SYNPR: variants seen among roughly 807,000 people sequenced by gnomAD.
The protein encoded by SYNPR is synaptoporin.
A neutral mutation model predicts 32.9 loss-of-function variants in SYNPR; 23 were observed. The observed-to-expected ratio is 0.70, with a 90% confidence interval of 0.50 to 0.99. The LOEUF is 0.99. Among genes scored for constraint, SYNPR ranks in the 50% least tolerant of loss-of-function variants. The pLI is 0.00. For missense variants in SYNPR, 318 were observed against 349.3 expected, an observed-to-expected ratio of 0.91 and a Z score of 0.71; for synonymous variants, 146 against 135.9, an observed-to-expected ratio of 1.07 and a Z score of -0.52.
At chr3:63,406,098 A>G (rs2088355927) in intron 2 of SYNPR, among the ~76,000 whole-genome samples, 3 of 152,020 alleles carry the variant, frequency 2.0e-5, no homozygotes, top group Non-Finnish European at 4.4e-5. Flanking sequence ...TTTGGGCACT[A>G]GCAGTCTGAC....
chr3:63,320,355 G>A (rs958910272), intron 2 of SYNPR, among the ~76,000 whole-genome samples: 1 of 152,026 alleles, frequency 6.6e-6, no homozygotes, highest in African/African-American at 2.4e-5. Context: ...AGGTAAAATA[G>A]AAAGAACAGA....
intron 2 of SYNPR, among the ~76,000 whole-genome samples, chr3:63,475,900 C>A (rs906863906): frequency 1.3e-5 from 2 of 152,010 alleles, no homozygotes; most frequent in African/African-American, 4.8e-5. Context: ...GCAAGACAAA[C>A]CTTCTCAGCT....
rs1426200211 is a variant in SYNPR, at chr3:63,500,163, T to C, written c.209+19207T>C. 2.6e-5 allele frequency among the ~76,000 whole-genome samples: 4 copies of C among 152,288 alleles called. No individual in the cohort carries two copies. The South Asian group carries it at 8.3e-4, about 32-fold the overall frequency. ...CCTGCATACCACCTGGACTATTTAC[T>C]TAATATTTTCGTTTGAGTAAAAACT... On this transcript the variant is annotated intron_variant, in intron 3 of 5. Coordinates refer to ENST00000478300, the MANE Select transcript of SYNPR (RefSeq NM_001130003.2).
chr3:63,336,091 C>T (rs1190082101), intron 2 of SYNPR, among the ~76,000 whole-genome samples: 1 of 151,980 alleles, frequency 6.6e-6, no homozygotes, highest in Non-Finnish European at 1.5e-5. Context: ...TAAAAACAAC[C>T]TAAATGTCTG....
At chr3:63,613,677 T>C (rs1422364418) in intron 5 of SYNPR, among the ~76,000 whole-genome samples, 2 of 110,768 alleles carry the variant, frequency 1.8e-5, no homozygotes, top group Non-Finnish European at 3.7e-5. Flanking sequence ...TTTTAGAAAA[T>C]GATTCAGAGC....
intron 3 of SYNPR, among the ~76,000 whole-genome samples, chr3:63,542,557 C>T (rs143394920): frequency 6.6e-6 from 1 of 152,178 alleles, no homozygotes; most frequent in African/African-American, 2.4e-5. Context: ...CCTGAGAAAT[C>T]TGGAGAAGTA....
rs191304565 is a variant in SYNPR, at chr3:63,485,695, G to T, written c.209+4739G>T. Among the ~76,000 whole-genome samples, 258 of 152,268 alleles carry T rather than the reference G, an allele frequency of 1.7e-3. 1 individual carries two copies. The highest frequency in any genetic ancestry group is 5.8e-3 in the African/African-American group (242 of 41,568). On this transcript the variant is annotated intron_variant, in intron 3 of 5. Coordinates refer to ENST00000478300, the MANE Select transcript of SYNPR (RefSeq NM_001130003.2). ...TGTTAATGACCTTCTAATAGAGAAGGTGCTCACCTCTTGTTTTTTGGAAGT... is the reference window on the plus strand; with the variant it reads ...TGTTAATGACCTTCTAATAGAGAAGTTGCTCACCTCTTGTTTTTTGGAAGT...
chr3:63,457,694 T>C (rs560576343), intron 2 of SYNPR, among the ~76,000 whole-genome samples: 1 of 152,232 alleles, frequency 6.6e-6, no homozygotes, highest in South Asian at 2.1e-4. Flanking sequence ...TTGTATTACC[T>C]ACAAAAGAGG....
intron 3 of SYNPR, among the ~76,000 whole-genome samples, chr3:63,517,482 A>G (rs562073827): frequency 1.3e-5 from 2 of 152,306 alleles, no homozygotes; most frequent in South Asian, 2.1e-4. Context: ...CTTCTAGTAT[A>G]GACATCAATG....
chr3:63,325,276 C>T (rs2087153922), intron 2 of SYNPR, among the ~76,000 whole-genome samples: 1 of 152,042 alleles, frequency 6.6e-6, no homozygotes, highest in African/African-American at 2.4e-5. Flanking sequence ...AGCATTTGCT[C>T]ACATGTAATA....
intron 2 of SYNPR, among the ~76,000 whole-genome samples, chr3:63,415,054 C>CATA (rs1480290973): frequency 6.6e-6 from 1 of 152,166 alleles, no homozygotes; most frequent in African/African-American, 2.4e-5. Flanking sequence ...AAGTAAATTA[C>CATA]ATAAACTTAA....
rs186950847 is a variant in SYNPR, at chr3:63,248,940, G to A, written n.67-3559G>A. Among the ~76,000 whole-genome samples, 199 of 117,322 alleles carry A rather than the reference G, an allele frequency of 1.7e-3. 1 individual carries two copies. Among genetic ancestry groups the A allele is most frequent in the African/African-American group, 5.9e-3 (195 of 33,260 alleles). 77.0% of individuals were successfully genotyped at this position (117,322 alleles called of 152,430 possible). A position where few individuals can be genotyped will look rare whatever the true frequency, so the allele number is the denominator to read the frequency against. ...TTGTTAGCTCTGTGTTAGTGACTCA[G>A]TTTTTCATCCTCAGTTTTGTTTTTT... On this transcript the variant is annotated intron_variant and non_coding_transcript_variant, in intron 1 of 4. Transcript: ENST00000478456.
At chr3:63,405,083 TC>T (rs2088341495) in intron 2 of SYNPR, among the ~76,000 whole-genome samples, 1 of 152,144 alleles carries the variant, frequency 6.6e-6, no homozygotes, top group Non-Finnish European at 1.5e-5. Flanking sequence ...TTGATGACAT[TC>T]CTAAGGAACA....
chr3:63,564,730 T>C (rs781462807), intron 4 of SYNPR, among the ~76,000 whole-genome samples: 1 of 152,194 alleles, frequency 6.6e-6, no homozygotes, highest in Non-Finnish European at 1.5e-5. Flanking sequence ...CATCCTCAGC[T>C]CTTTTTCAGC....
chr3:63,518,280 C>A (rs967206041), intron 3 of SYNPR, among the ~76,000 whole-genome samples: 1 of 152,042 alleles, frequency 6.6e-6, no homozygotes, highest in Non-Finnish European at 1.5e-5. Context: ...GTTTTATTCA[C>A]CTGTAATACT....
chr3:63,520,423 C>T (rs1004836303), intron 3 of SYNPR, among the ~76,000 whole-genome samples: 1 of 152,056 alleles, frequency 6.6e-6, no homozygotes, highest in African/African-American at 2.4e-5. Context: ...GCCTGTAATC[C>T]CAGCACTTTG....
chr3:63,286,943 CT>C (rs1361092046), intron 2 of SYNPR, among the ~76,000 whole-genome samples: 12 of 152,280 alleles, frequency 7.9e-5, no homozygotes, highest in African/African-American at 2.9e-4. Context: ...CTAAATGACT[CT>C]GGGCAGCGTA....
At chr3:63,474,661 A>G (rs1700866322) in intron 2 of SYNPR, among the ~76,000 whole-genome samples, 1 of 152,118 alleles carries the variant, frequency 6.6e-6, no homozygotes, top group South Asian at 2.1e-4. Flanking sequence ...ATGCTATAAA[A>G]CACAGCTTTA....
intron 3 of SYNPR, among the ~76,000 whole-genome samples, chr3:63,271,012 C>A (rs1405468766): frequency 1.3e-5 from 1 of 79,920 alleles, no homozygotes; most frequent in Non-Finnish European, 2.6e-5. Context: ...TCCTTCCTTC[C>A]TTCCTTCCTT....
Sources: gnomAD v4.1 joint callset for allele counts (sites outside exome capture counted in the v4.1 genomes callset) on GRCh38, gnomAD v4.1.1 for gene constraint, MANE v1.5 for transcripts, NCBI Gene and HGNC (gene_info 2026-07-23, HGNC 2026-07-21) for gene names.